Variants in ITPR1 observed in about 807,000 individuals in gnomAD.
ITPR1 encodes the protein inositol 1,4,5-trisphosphate receptor type 1.
A neutral mutation model predicts 318.4 loss-of-function variants in ITPR1; 96 were observed. The observed-to-expected ratio is 0.30, with a 90% CI of 0.26 to 0.36. The LOEUF (loss-of-function observed/expected upper bound fraction) is 0.36. ITPR1 is among the 10% of genes least tolerant of loss of function. The pLI is 1.00. For missense variants in ITPR1, 2,440 were observed against 3,460.2 expected (o/e 0.71, Z 7.40); for synonymous variants, 1,312 against 1,289.9 (o/e 1.02, Z -0.37).
In ITPR1 at chr3:4,674,361, C is replaced by T. The variant is rs2094144373; in HGVS notation, c.2598+18C>T. On this transcript the variant is annotated intron_variant, in intron 22 of 61. Coordinates refer to ENST00000649015, the MANE Select transcript of ITPR1 (RefSeq NM_001378452.1). The stretch of plus-strand genomic sequence containing the variant: ...CGTTTGAGGTAACTCATGATGAAAT[C>T]TTCTATGTGTATTATCTGCCTCTCA... The T allele has an allele frequency of 3.1e-6, 5 of 1,593,120 alleles. No individual in the cohort carries two copies. Among genetic ancestry groups the T allele is most frequent in the African/African-American group, 2.7e-5 (2 of 74,064 alleles).
At chr3:4,681,023 C>A (rs937157773) in intron 25 of ITPR1, among the ~76,000 whole-genome samples, 1 of 152,050 alleles carries the variant, frequency 6.6e-6, no homozygotes, top group Non-Finnish European at 1.5e-5. Context: ...TGACCACTAG[C>A]AGCTTTTACT....
chr3:4,537,015 A>C (rs990916692), intron 4 of ITPR1, among the ~76,000 whole-genome samples: 2 of 152,236 alleles, frequency 1.3e-5, no homozygotes, highest in African/African-American at 4.8e-5. Flanking sequence ...GCAGGGGCTC[A>C]GGAAAACACA....
At chr3:4,530,499 G>C (rs796589779) in intron 4 of ITPR1, among the ~76,000 whole-genome samples, 4 of 152,326 alleles carry the variant, frequency 2.6e-5, no homozygotes, top group African/African-American at 7.2e-5. Flanking sequence ...AAGCTTTCCT[G>C]TAGGCTGGGC....
At position 4,652,296 on chromosome 3, in the gene ITPR1, G is replaced by A. The variant is rs542044311; in HGVS notation, c.951+78G>A. ...CTTTCCTCATTCGCCTGTAGCCGTC[G>A]TGTTGTAAAAGGCTTAGGGAAATAC... On this transcript the variant is annotated intron_variant, in intron 11 of 61. Transcript: ENST00000649015. The A allele has an allele frequency of 1.0e-4, 102 of 1,017,466 alleles. 1 individual carries two copies. In the Admixed American group the frequency reaches 1.0e-3, roughly 10 times the overall value. 63.0% of individuals were successfully genotyped at this position (1,017,466 alleles called of 1,614,324 possible).
chr3:4,642,010 A>G (rs1196796816), intron 6 of ITPR1, 83 bp from the exon 7 acceptor site: 12 of 1,133,200 alleles, frequency 1.1e-5, no homozygotes, highest in Non-Finnish European at 1.5e-5. Context: ...AATGTTTGCT[A>G]CATAGTTGGT....
At chr3:4,723,191 C>G (rs368189680) in intron 40 of ITPR1, among the ~76,000 whole-genome samples, 1 of 152,128 alleles carries the variant, frequency 6.6e-6, no homozygotes, top group Admixed American at 6.5e-5. Context: ...GCTTTGTCCT[C>G]CTTGAGTAGG....
intron 4 of ITPR1, among the ~76,000 whole-genome samples, chr3:4,533,035 C>T (rs1160263302): frequency 1.3e-5 from 2 of 152,142 alleles, no homozygotes; most frequent in African/African-American, 4.8e-5. Flanking sequence ...CCGAAGGACC[C>T]AGCTGTTCTT....
chr3:4,827,283 A>T, intron 60 of ITPR1, among the ~76,000 whole-genome samples: 1 of 152,188 alleles, frequency 6.6e-6, no homozygotes, highest in African/African-American at 2.4e-5. Flanking sequence ...CAACTCCTTC[A>T]TTTCCTGTGT....
At chr3:4,601,499 CAAAA>C (rs33950775) in intron 4 of ITPR1, among the ~76,000 whole-genome samples, 61 of 131,624 alleles carry the variant, frequency 4.6e-4, no homozygotes, top group Middle Eastern at 4.0e-3. Flanking sequence ...GACCCTGTCT[CAAAA>C]AAAAAAAAAA....
chr3:4,652,083 A>G, intron 10 of ITPR1, 40 bp from the exon 11 acceptor site: 1 of 1,419,058 alleles, frequency 7.0e-7, no homozygotes, highest in Non-Finnish European at 9.9e-7. Flanking sequence ...TTCCTAGTGT[A>G]GGTTGACATT....
Position 4,754,872 on chromosome 3 carries a change from G to A in ITPR1, c.5545-11658G>A, listed in dbSNP as rs2044833541. 1.3e-5 allele frequency among the ~76,000 whole-genome samples: 2 copies of A among 152,148 alleles called. 1 individual carries two copies. Among genetic ancestry groups the A allele is most frequent in the South Asian group, 4.1e-4 (2 of 4,828 alleles). ...GTATCGTTGATTTGACACTCCACTGGTCATCTTTGTTTTGTCTGGAGGCTT... is the reference window on the plus strand; with the variant it reads ...GTATCGTTGATTTGACACTCCACTGATCATCTTTGTTTTGTCTGGAGGCTT... On this transcript the variant is annotated intron_variant, in intron 44 of 61. Transcript: ENST00000649015.
intron 28 of ITPR1, 50 bp downstream of exon 28, chr3:4,683,848 A>C (rs763148021): frequency 1.2e-5 from 18 of 1,526,270 alleles, no homozygotes; most frequent in African/African-American, 4.1e-5. Context: ...GGGCTTCTCG[A>C]AACTAGGGAG....
chr3:4,666,606 G>A (rs1181278822), intron 17 of ITPR1, among the ~76,000 whole-genome samples: 2 of 152,144 alleles, frequency 1.3e-5, no homozygotes, highest in Non-Finnish European at 2.9e-5. Flanking sequence ...GAAAACCATG[G>A]CCTGTTTTCA....
intron 44 of ITPR1, among the ~76,000 whole-genome samples, chr3:4,758,924 T>G (rs893170159): frequency 6.6e-6 from 1 of 152,192 alleles, no homozygotes; most frequent in East Asian, 1.9e-4. Flanking sequence ...TTATGAAACG[T>G]TAGGTGTCAA....
intron 42 of ITPR1, among the ~76,000 whole-genome samples, chr3:4,729,968 C>T (rs2042787911): frequency 6.7e-6 from 1 of 149,606 alleles, no homozygotes; most frequent in Non-Finnish European, 1.5e-5. Flanking sequence ...ATTTCTCAGC[C>T]TGGTACATTA....
intron 35 of ITPR1, among the ~76,000 whole-genome samples, chr3:4,701,791 A>T (rs2094658332): frequency 6.6e-6 from 1 of 152,230 alleles, no homozygotes; most frequent in Non-Finnish European, 1.5e-5. Flanking sequence ...AATGTCTCAC[A>T]CATAGCATGC....
In ITPR1 at chr3:4,817,750, T is replaced by G. The variant is rs979887352; in HGVS notation, c.7868-332T>G. ...CCTGGTTGCATGCAATATGTGAGAG[T>G]GTCACACACATTCTCATTTTACCCC... On this transcript the variant is annotated intron_variant, in intron 59 of 61. Transcript: ENST00000649015. 2.6e-5 allele frequency among the ~76,000 whole-genome samples: 4 copies of G among 152,256 alleles called. No individual in the cohort carries two copies. In the East Asian group the frequency reaches 5.8e-4, roughly 22 times the overall value.
In ITPR1 at chr3:4,645,598, T is replaced by C; in HGVS notation, c.725T>C (p.Leu242Pro). 1 of 1,613,608 alleles carries C rather than the reference T, an allele frequency of 6.2e-7. No homozygotes were observed. Among genetic ancestry groups the C allele is most frequent in the Non-Finnish European group, 8.5e-7 (1 of 1,179,750 alleles). ...GACTGTCAGGGTGACGTGGTGAGGC[T>C]GTTTCATGCTGAGCAGGAGAAGTTT... ...DILKGGDVVR[L>P]FHAEQEKFLT... Residue 242 changes from leucine to proline, a missense_variant, in exon 10 of 62, where the codon CTG becomes CCG. By Grantham distance (98) the Leu-to-Pro change is moderately conservative. Coordinates refer to ENST00000649015, the MANE Select transcript of ITPR1 (RefSeq NM_001378452.1).
At chr3:4,782,407 A>C (rs2046894189) in intron 49 of ITPR1, 1 of 403,408 alleles carries the variant, frequency 2.5e-6, no homozygotes, top group Non-Finnish European at 4.4e-6. Flanking sequence ...AGAGTGAATG[A>C]GTTTCATTTC....
Sources: allele counts gnomAD v4.1 joint callset (sites outside exome capture counted in the v4.1 genomes callset), GRCh38; gene constraint gnomAD v4.1.1; transcripts MANE v1.5; gene names NCBI Gene and HGNC (gene_info 2026-07-23, HGNC 2026-07-21).